The following PNISR variants were observed in gnomAD, a reference collection of about 807,000 sequenced individuals.
The protein encoded by PNISR is arginine/serine-rich protein PNISR.
Under a neutral mutation model 93.4 loss-of-function variants are expected in PNISR, and 20 were observed. That is an observed-to-expected ratio of 0.21 (90% confidence interval 0.15 to 0.31). The LOEUF (loss-of-function observed/expected upper bound fraction) is 0.31. Ranked by LOEUF, PNISR falls within the 10% of genes least tolerant of loss-of-function variation. The probability of loss-of-function intolerance (pLI) is 1.00; values close to 1 mark genes in which losing one functional copy is unlikely to be tolerated. For synonymous variants in PNISR, 305 were observed against 306.5 expected (o/e 0.99, Z 0.05); for missense variants, 893 against 985.4 (o/e 0.91, Z 1.25).
chr6:99,424,728 T>C (rs933301510), intron 1 of PNISR, among the ~76,000 whole-genome samples: 3 of 152,278 alleles, frequency 2.0e-5, no homozygotes, highest in African/African-American at 2.4e-5. Context: ...AACTGAAATA[T>C]TGGATACTAC....
chr6:99,399,927 T>C lies in PNISR; in HGVS notation c.*613A>G, dbSNP rs892441225. On this transcript the variant is annotated 3_prime_UTR_variant, in exon 12 of 12. Coordinates refer to ENST00000369239, the MANE Select transcript of PNISR (RefSeq NM_032870.4). ...CCAGCTGCCTTTTTATAAAAGTACG[T>C]TCCTTAGATTAAAACCATAAAATTA... 7 of 152,158 alleles carry C rather than the reference T, an allele frequency of 4.6e-5. No homozygotes were observed. The highest frequency in any genetic ancestry group is 3.2e-3 in the Middle Eastern group (1 of 316). The allele number at this position is 152,158 out of a possible 1,614,324, so 9.4% of individuals were successfully genotyped here. A position where few individuals can be genotyped will look rare whatever the true frequency, so the allele number is the denominator to read the frequency against.
chr6:99,404,350 C>T (rs1357814709), intron 9 of PNISR: 1 of 469,532 alleles, frequency 2.1e-6, no homozygotes, highest in Non-Finnish European at 3.8e-6. Context: ...AACTGAACAC[C>T]TGGAATTTTC....
Position 99,401,445 on chromosome 6 carries a change from GTTTTTC to G in PNISR, c.1507_1512del (p.Glu503_Lys504del). Reference sequence around the variant, plus strand: ...GAACTTCCCGACCTACTCCTTCCTTGTTTTTCTTTTTCTTTATGCTCTTTTTTTGGT... The same window carrying G: ...GAACTTCCCGACCTACTCCTTCCTTGTTTTTCTTTATGCTCTTTTTTTGGT... On this transcript the variant is annotated inframe_deletion, in exon 12 of 12. Coordinates refer to ENST00000369239, the MANE Select transcript of PNISR (RefSeq NM_032870.4). 3.7e-6 allele frequency: 6 copies of G among 1,608,126 alleles called. No individual in the cohort carries two copies. Among genetic ancestry groups the G allele is most frequent in the Non-Finnish European group, 5.1e-6 (6 of 1,177,320 alleles).
intron 4 of PNISR, chr6:99,411,911 A>G (rs1229665783): frequency 1.1e-5 from 2 of 186,548 alleles, no homozygotes; most frequent in African/African-American, 4.8e-5. Flanking sequence ...GGAGGTTATG[A>G]CTTCACCATC....
chr6:99,413,386 G>A (rs868398270), intron 3 of PNISR, among the ~76,000 whole-genome samples: 3 of 134,130 alleles, frequency 2.2e-5, no homozygotes, highest in East Asian at 2.0e-4. Flanking sequence ...AAATTTTTAC[G>A]TATCTATCCA....
intron 1 of PNISR, among the ~76,000 whole-genome samples, chr6:99,420,095 G>A (rs1464965623): frequency 2.6e-5 from 4 of 152,176 alleles, no homozygotes; most frequent in African/African-American, 7.2e-5. Context: ...CTGTTAGCCA[G>A]GATGGTCTCA....
At chr6:99,423,463 T>C (rs931630885) in intron 1 of PNISR, among the ~76,000 whole-genome samples, 5 of 151,916 alleles carry the variant, frequency 3.3e-5, no homozygotes, top group Non-Finnish European at 7.4e-5. Flanking sequence ...AAGAGAACAG[T>C]ATAAAAAGGG....
At position 99,400,455 on chromosome 6, in the gene PNISR, A is replaced by AAG. The variant is rs745923005; in HGVS notation, c.*83_*84dup. 4 of 1,496,500 alleles carry AAG rather than the reference A, an allele frequency of 2.7e-6. No homozygotes were observed. The highest frequency in any genetic ancestry group is 1.4e-5 in the South Asian group (1 of 71,434). 92.7% of individuals were successfully genotyped at this position (1,496,500 alleles called of 1,614,324 possible). ...ATCAAGTACCAAACTGAGTTTATTA[A>AAG]AGAGAGAGAGAAAGGACACTTTCAA... On this transcript the variant is annotated 3_prime_UTR_variant, in exon 12 of 12. Coordinates refer to ENST00000369239, the MANE Select transcript of PNISR (RefSeq NM_032870.4).
chr6:99,419,648 T>C (rs1189232548), intron 1 of PNISR, among the ~76,000 whole-genome samples: 1 of 152,148 alleles, frequency 6.6e-6, no homozygotes, highest in Non-Finnish European at 1.5e-5. Context: ...AAGAAGTTTG[T>C]GTAATTTGTA....
At chr6:99,417,290 TTACTC>T (rs1488613145) in intron 1 of PNISR, among the ~76,000 whole-genome samples, 1 of 152,216 alleles carries the variant, frequency 6.6e-6, no homozygotes, top group Non-Finnish European at 1.5e-5. Flanking sequence ...TTTCCAGAAA[TTACTC>T]TAAATAAAGG....
intron 8 of PNISR, 53 bp from the exon 9 acceptor site, chr6:99,404,755 G>T: frequency 1.2e-6 from 1 of 869,268 alleles, no homozygotes; most frequent in Non-Finnish European, 1.9e-6. Flanking sequence ...TACTAATAGT[G>T]TGACATCTTC....
chr6:99,408,069 G>C lies in PNISR; in HGVS notation c.864+12C>G, dbSNP rs1334441572. 5 of 1,560,960 alleles carry C rather than the reference G, an allele frequency of 3.2e-6. No individual in the cohort carries two copies. Among genetic ancestry groups the C allele is most frequent in the Middle Eastern group, 3.4e-4 (2 of 5,804 alleles). On this transcript the variant is annotated intron_variant, in intron 7 of 11. Coordinates refer to ENST00000369239, the MANE Select transcript of PNISR (RefSeq NM_032870.4). ...TTTTCACATGGAGTTTCATGTTGGG[G>C]ATTCTACTTACAAATTTACTTCTCT... is the stretch of plus-strand genomic sequence containing the variant.
Position 99,408,147 on chromosome 6 carries a change from T to C in PNISR, c.798A>G (p.Lys266=). 1 of 1,612,234 alleles carries C rather than the reference T, an allele frequency of 6.2e-7. No individual in the cohort carries two copies. The change falls in exon 7 of 12, where the codon AAA becomes AAG. Residue 266 remains lysine (K), a synonymous_variant. Coordinates refer to ENST00000369239, the MANE Select transcript of PNISR (RefSeq NM_032870.4). ...CAGCATCTTCTGTGGCCTTTTTTTC[T>C]TTTTTGGACAATTGTGAACGTTGTT... ...MEQQRSQLSK[K]EKKATEDAEG... is the part of the protein sequence containing the mutation.
chr6:99,413,574 C>G (rs1777270325), intron 3 of PNISR, among the ~76,000 whole-genome samples: 1 of 152,046 alleles, frequency 6.6e-6, no homozygotes, highest in Non-Finnish European at 1.5e-5. Flanking sequence ...GATTTGCCCA[C>G]CTCAGCTTCC....
In PNISR at chr6:99,399,267, G is replaced by C. The variant is rs1382752135; in HGVS notation, c.*1273C>G. The C allele has an allele frequency of 2.0e-5, 3 of 152,028 alleles. No homozygotes were observed. The highest frequency in any genetic ancestry group is 2.0e-4 in the Admixed American group (3 of 15,252). 9.4% of individuals were successfully genotyped at this position (152,028 alleles called of 1,614,324 possible). On this transcript the variant is annotated 3_prime_UTR_variant, in exon 12 of 12. Transcript: ENST00000369239. ...TAAAAAAATGGACCCTAAAGCAACT[G>C]AGTTAAAATGCTTTGAGAGCCCCAT...
chr6:99,409,086 A>T, intron 6 of PNISR, 87 bp downstream of exon 6: 1 of 1,110,242 alleles, frequency 9.0e-7, no homozygotes, highest in African/African-American at 1.5e-5. Context: ...AGAGATACTC[A>T]AACAATTTTA....
chr6:99,405,929 T>C (rs1776109259), intron 8 of PNISR, 102 bp downstream of exon 8: 6 of 661,458 alleles, frequency 9.1e-6, no homozygotes, highest in African/African-American at 1.8e-5. Flanking sequence ...TTAATAATAC[T>C]GGTCAGCAGT....
chr6:99,421,813 T>G (rs4840039), intron 1 of PNISR, among the ~76,000 whole-genome samples: 146,159 of 152,270 alleles, frequency 0.96, 70,430 homozygotes, highest in East Asian at 1. Context: ...TTCTTAAATG[T>G]ATCTATATTA....
At chr6:99,417,968 C>CAAA (rs34504221) in intron 1 of PNISR, among the ~76,000 whole-genome samples, 8 of 92,196 alleles carry the variant, frequency 8.7e-5, no homozygotes, top group Admixed American at 1.2e-4. Context: ...AACACCATCT[C>CAAA]AAAAAAAAAA....
Sources: gnomAD v4.1 joint callset for allele counts (sites outside exome capture counted in the v4.1 genomes callset) on GRCh38, gnomAD v4.1.1 for gene constraint, MANE v1.5 for transcripts, NCBI Gene and HGNC (gene_info 2026-07-23, HGNC 2026-07-21) for gene names.